The following PTTG1IP variants were observed in gnomAD, a reference collection of about 807,000 sequenced individuals.
PTTG1IP encodes PTTG1 interacting protein, also known as pituitary tumor-transforming gene 1 protein-interacting protein.
A neutral mutation model predicts 24.4 loss-of-function variants in PTTG1IP; 16 were observed. The ratio of observed to expected loss-of-function variants is 0.66; its 90% CI spans 0.44 to 1.00. The LOEUF (loss-of-function observed/expected upper bound fraction) is 1.00. PTTG1IP is among the 50% of genes least tolerant of loss of function. The pLI is 0.00. For synonymous variants in PTTG1IP, 89 were observed against 96.8 expected (o/e 0.92, Z 0.47); for missense variants, 241 against 245.8 (o/e 0.98, Z 0.13).
At chr21:44,864,707 G>A (rs948309867) in intron 2 of PTTG1IP, among the ~76,000 whole-genome samples, 4 of 152,300 alleles carry the variant, frequency 2.6e-5, no homozygotes. Context: ...CTGTTCACAC[G>A]TCTTTAACAA....
chr21:44,856,475 G>A, intron 3 of PTTG1IP, 111 bp from the exon 4 acceptor site: 1 of 1,252,524 alleles, frequency 8.0e-7, no homozygotes, highest in Non-Finnish European at 1.1e-6. Context: ...AGCATAAGGA[G>A]GAAAGCCGCC....
In PTTG1IP at chr21:44,851,608, G is replaced by A; in HGVS notation, c.516C>T (p.Asn172=). 1 of 1,587,342 alleles carries A rather than the reference G, an allele frequency of 6.3e-7. No individual in the cohort carries two copies. The highest frequency in any genetic ancestry group is 1.1e-5 in the South Asian group (1 of 89,986). The part of the protein sequence containing the change: ...RKKYGLFKEE[N]PYARFENN Reference sequence around the variant, plus strand: ...AGTTGTTTTCAAATCTAGCATACGGGTTTTCTTCTTTAAACAGGCCTGAAA... The same window carrying A: ...AGTTGTTTTCAAATCTAGCATACGGATTTTCTTCTTTAAACAGGCCTGAAA... The change falls in exon 6 of 6, where the codon AAC becomes AAT. Residue 172 remains asparagine (N), a synonymous_variant. Transcript: ENST00000330938.
chr21:44,871,583 A>T (rs1018027407), intron 1 of PTTG1IP, among the ~76,000 whole-genome samples: 1 of 152,238 alleles, frequency 6.6e-6, no homozygotes, highest in Non-Finnish European at 1.5e-5. Flanking sequence ...TGTATTCTCT[A>T]AATTCACACA....
At chr21:44,872,787 C>T (rs1255331725) in intron 1 of PTTG1IP, 1 of 152,364 alleles carries the variant, frequency 6.6e-6, no homozygotes, top group African/African-American at 2.4e-5. Flanking sequence ...GATAGGAGCT[C>T]TGGCTGTCGG....
intron 1 of PTTG1IP, 78 bp from the exon 2 acceptor site, chr21:44,865,525 G>A: frequency 6.9e-7 from 1 of 1,445,898 alleles, no homozygotes. Flanking sequence ...GGCAGGGTGG[G>A]CACCAGTGAG....
chr21:44,860,285 C>T (rs747857037), intron 3 of PTTG1IP, among the ~76,000 whole-genome samples: 7 of 152,090 alleles, frequency 4.6e-5, no homozygotes, highest in Admixed American at 2.0e-4. Context: ...AGGAGAATGG[C>T]GTGAACCTGG....
chr21:44,861,116 C>T (rs770015713), intron 3 of PTTG1IP, 47 bp downstream of exon 3: 1 of 1,548,800 alleles, frequency 6.5e-7, no homozygotes, highest in Non-Finnish European at 8.9e-7. Context: ...CTACTATTTT[C>T]AAAGAAGCAT....
At chr21:44,862,952 TG>T (rs574054659) in intron 2 of PTTG1IP, among the ~76,000 whole-genome samples, 208 of 152,340 alleles carry the variant, frequency 1.4e-3, no homozygotes, top group Non-Finnish European at 2.5e-3. Context: ...AGTGGTACCA[TG>T]AGCCACAGGA....
At chr21:44,856,067 C>A in intron 4 of PTTG1IP, 126 bp downstream of exon 4, 2 of 1,570,906 alleles carry the variant, frequency 1.3e-6, no homozygotes, top group East Asian at 2.3e-5. Context: ...ATCCCCTGGG[C>A]ACTATACACA....
At position 44,867,530 on chromosome 21, in the gene PTTG1IP, A is replaced by G. The variant is rs1259224292; in HGVS notation, c.116-2083T>C. 2.0e-5 allele frequency among the ~76,000 whole-genome samples: 3 copies of G among 152,242 alleles called. No individual in the cohort carries two copies. The East Asian group carries it at 5.8e-4, about 29-fold the overall frequency. On this transcript the variant is annotated intron_variant, in intron 1 of 5. Transcript: ENST00000330938. ...TGAACAGCACAATTAAGTTTCCCAC[A>G]TATTCCCGTAAGAAAAATGTATCTC... is the stretch of plus-strand genomic sequence containing the variant.
In PTTG1IP at chr21:44,851,079, G is replaced by A; in HGVS notation, c.*502C>T. 2.8e-6 allele frequency: 1 copy of A among 354,206 alleles called. No individual in the cohort carries two copies. The highest frequency in any genetic ancestry group is 5.2e-6 in the Non-Finnish European group (1 of 191,994). The allele number at this position is 354,206 out of a possible 1,614,324, so 21.9% of individuals were successfully genotyped here. On this transcript the variant is annotated 3_prime_UTR_variant, in exon 6 of 6. Coordinates refer to ENST00000330938, the MANE Select transcript of PTTG1IP (RefSeq NM_004339.4). Reference sequence around the variant, plus strand: ...CGTGTCATCAGCAAAAGCCGTGTGAGTCAACAGGTGTGAAGACTCAAGATG... The same window carrying A: ...CGTGTCATCAGCAAAAGCCGTGTGAATCAACAGGTGTGAAGACTCAAGATG...
At chr21:44,869,774 T>C (rs374106927) in intron 1 of PTTG1IP, among the ~76,000 whole-genome samples, 28 of 152,276 alleles carry the variant, frequency 1.8e-4, no homozygotes, top group African/African-American at 5.8e-4. Context: ...CTAAATACAA[T>C]CTGGGCAAGG....
At chr21:44,868,249 G>T (rs528194194) in intron 1 of PTTG1IP, among the ~76,000 whole-genome samples, 6 of 152,358 alleles carry the variant, frequency 3.9e-5, no homozygotes, top group African/African-American at 1.2e-4. Context: ...GTGGGAGGAA[G>T]GAGCAACTGT....
chr21:44,872,589 G>A (rs954643761), intron 1 of PTTG1IP, among the ~76,000 whole-genome samples: 24 of 152,144 alleles, frequency 1.6e-4, no homozygotes, highest in African/African-American at 5.8e-4. Context: ...ACACTCTCCA[G>A]CTTAGAACCT....
chr21:44,853,983 A>G, intron 5 of PTTG1IP, among the ~76,000 whole-genome samples: 1 of 152,232 alleles, frequency 6.6e-6, no homozygotes, highest in Admixed American at 6.5e-5. Context: ...CAAGGAGGCC[A>G]GAACTGACAG....
At chr21:44,859,423 C>T (rs1032526567) in intron 3 of PTTG1IP, among the ~76,000 whole-genome samples, 1 of 151,322 alleles carries the variant, frequency 6.6e-6, no homozygotes, top group Non-Finnish European at 1.5e-5. Context: ...CTATAAGCCG[C>T]GGTCCATGTA....
At chr21:44,868,654 T>C (rs1396279809) in intron 1 of PTTG1IP, among the ~76,000 whole-genome samples, 2 of 152,128 alleles carry the variant, frequency 1.3e-5, no homozygotes, top group African/African-American at 2.4e-5. Context: ...CTCTAACCCC[T>C]AGAAGCCACA....
intron 1 of PTTG1IP, among the ~76,000 whole-genome samples, chr21:44,870,199 A>T (rs1226835135): frequency 1.3e-5 from 2 of 152,218 alleles, no homozygotes; most frequent in Non-Finnish European, 2.9e-5. Context: ...TCAAAGATGA[A>T]AAAAGGTCAT....
At chr21:44,853,523 A>T (rs997622372) in intron 5 of PTTG1IP, among the ~76,000 whole-genome samples, 9 of 152,028 alleles carry the variant, frequency 5.9e-5, no homozygotes, top group African/African-American at 1.9e-4. Context: ...AAAAAAAAAA[A>T]AAAAATTAGG....
Sources: allele counts gnomAD v4.1 joint callset (sites outside exome capture counted in the v4.1 genomes callset), GRCh38; gene constraint gnomAD v4.1.1; transcripts MANE v1.5; gene names NCBI Gene and HGNC (gene_info 2026-07-23, HGNC 2026-07-21).